Variants in FNDC1 observed in about 807,000 individuals in gnomAD.
FNDC1 encodes fibronectin type III domain-containing protein 1.
Under a neutral mutation model 168.0 loss-of-function variants are expected in FNDC1, and 96 were observed. The observed-to-expected ratio is 0.57, with a 90% CI of 0.48 to 0.68. The LOEUF (loss-of-function observed/expected upper bound fraction) is 0.68. Among genes scored for constraint, FNDC1 ranks in the 30% least tolerant of loss-of-function variants. FNDC1 has a pLI of 0.00. For synonymous variants in FNDC1, 1,099 were observed against 1,025.9 expected (o/e 1.07, Z -1.36); for missense variants, 2,587 against 2,482.1 (o/e 1.04, Z -0.90).
At position 159,197,433 on chromosome 6, in the gene FNDC1, G is replaced by C. The variant is rs371692854; in HGVS notation, c.112G>C (p.Asp38His). 1.2e-5 allele frequency: 20 copies of C among 1,610,516 alleles called. No homozygotes were observed. Among genetic ancestry groups the C allele is most frequent in the East Asian group, 8.9e-5 (4 of 44,760 alleles). ...TGATAGTTGCGCTGTTTACATAGTT[G>C]ACCACCCACTGAAGCCAAGGCATGT... Reference protein sequence around the residue: ...PVASSAAASVDHPLKPRHVKL... With the variant: ...PVASSAAASVHHPLKPRHVKL... Residue 38 changes from aspartate (D) to histidine (H), a missense_variant and splice_region_variant, in exon 2 of 23, where the codon GAC (aspartate) becomes CAC (histidine). Transcript: ENST00000297267.
chr6:159,247,514 C>T (rs919231259), intron 15 of FNDC1, among the ~76,000 whole-genome samples: 7 of 152,028 alleles, frequency 4.6e-5, no homozygotes, highest in African/African-American at 1.7e-4. Context: ...TTTGAGAGGT[C>T]AAGGAGGGAG....
Position 159,229,880 on chromosome 6 carries a change from G to T in FNDC1, c.1246G>T (p.Asp416Tyr), listed in dbSNP as rs1783045267. 3 of 1,613,848 alleles carry T rather than the reference G, an allele frequency of 1.9e-6. No individual in the cohort carries two copies. The highest frequency in any genetic ancestry group is 2.5e-6 in the Non-Finnish European group (3 of 1,179,872). Residue 416 changes from aspartate to tyrosine, a missense_variant, in exon 10 of 23, where the codon GAC becomes TAC. Physicochemically the swap from Asp to Tyr is radical, Grantham distance 160 (BLOSUM62 -3). Coordinates refer to ENST00000297267, the MANE Select transcript of FNDC1 (RefSeq NM_032532.3). ...FGAKSLTYPG[D>Y]TTSALVDGLQ... ...AGCAAAGTCCCTCACCTATCCTGGA[G>T]ACACTACTTCTGCCCTGGTGGATGG...
At position 159,197,514 on chromosome 6, in the gene FNDC1, G is replaced by A. The variant is rs775826145; in HGVS notation, c.193G>A (p.Ala65Thr). Residue 65 changes from alanine to threonine, a missense_variant, in exon 2 of 23, where the codon GCT becomes ACT. Physicochemically the swap from Ala to Thr is moderately conservative, Grantham distance 58 (BLOSUM62 0). Transcript: ENST00000297267. ...AGTCACGTGGGACCCACCCAAAGAT[G>A]CTACCAGTAGACCTGTGGAGCATTA... ...LKVTWDPPKD[A>T]TSRPVEHYNI... The A allele has an allele frequency of 3.1e-6, 5 of 1,613,900 alleles. No individual in the cohort carries two copies. In the African/African-American group the frequency reaches 6.7e-5, roughly 22 times the overall value.
At chr6:159,221,729 T>C (rs1782829410) in intron 6 of FNDC1, 33 bp downstream of exon 6, 3 of 1,463,230 alleles carry the variant, frequency 2.1e-6, no homozygotes, top group Non-Finnish European at 2.9e-6. Flanking sequence ...GGTCAAACCA[T>C]AGTCTGGTAT....
At chr6:159,261,686 G>C (rs1777488469) in intron 19 of FNDC1, among the ~76,000 whole-genome samples, 1 of 152,204 alleles carries the variant, frequency 6.6e-6, no homozygotes, top group Non-Finnish European at 1.5e-5. Context: ...GTAGAAGGCA[G>C]ATATATCTTT....
At chr6:159,226,225 A>G (rs1016480108) in intron 8 of FNDC1, among the ~76,000 whole-genome samples, 1 of 152,204 alleles carries the variant, frequency 6.6e-6, no homozygotes, top group African/African-American at 2.4e-5. Flanking sequence ...ATATTTGGCA[A>G]TGAAAGAAAT....
intron 5 of FNDC1, among the ~76,000 whole-genome samples, 190 bp from the exon 6 acceptor site, chr6:159,221,408 T>C (rs1321800125): frequency 6.6e-6 from 1 of 152,226 alleles, no homozygotes; most frequent in Non-Finnish European, 1.5e-5. Context: ...ATAGTGTTCT[T>C]TTTGAGTTTA....
intron 4 of FNDC1, among the ~76,000 whole-genome samples, chr6:159,212,038 C>T (rs573842542): frequency 1.1e-4 from 17 of 152,298 alleles, no homozygotes; most frequent in Middle Eastern, 3.4e-3. Flanking sequence ...GGCACAAATC[C>T]GGAGAAATAC....
chr6:159,230,211 G>T (rs1180525046), intron 10 of FNDC1, among the ~76,000 whole-genome samples: 5 of 152,142 alleles, frequency 3.3e-5, no homozygotes, highest in Non-Finnish European at 7.4e-5. Flanking sequence ...ATTGATAACA[G>T]TTACTATTTC....
chr6:159,246,498 C>T (rs113054496), intron 14 of FNDC1, among the ~76,000 whole-genome samples: 17 of 152,360 alleles, frequency 1.1e-4, no homozygotes, highest in Middle Eastern at 3.4e-3. Flanking sequence ...TTCTGTCTCT[C>T]GTGACTGCTT....
At position 159,250,046 on chromosome 6, in the gene FNDC1, G is replaced by A. The variant is rs1777223817; in HGVS notation, c.4834+864G>A. Among the ~76,000 whole-genome samples the A allele has an allele frequency of 2.0e-5, 3 of 152,226 alleles. No homozygotes were observed. In the South Asian group the frequency reaches 6.2e-4, roughly 31 times the overall value. Reference sequence around the variant, plus strand: ...CTGCCAGGCTGCGTTTACCACATGCGCTGACTTCTCTCCCGGCAGTTCCAT... The same window carrying A: ...CTGCCAGGCTGCGTTTACCACATGCACTGACTTCTCTCCCGGCAGTTCCAT... On this transcript the variant is annotated intron_variant, in intron 16 of 22. Coordinates refer to ENST00000297267, the MANE Select transcript of FNDC1 (RefSeq NM_032532.3).
chr6:159,258,798 CCT>C (rs1401704776), intron 18 of FNDC1, among the ~76,000 whole-genome samples: 2 of 152,206 alleles, frequency 1.3e-5, no homozygotes, highest in African/African-American at 4.8e-5. Flanking sequence ...CTCATTTTCC[CCT>C]GTGTCACTAG....
chr6:159,179,695 A>G (rs1318612427), intron 1 of FNDC1, among the ~76,000 whole-genome samples: 6 of 152,216 alleles, frequency 3.9e-5, no homozygotes, highest in African/African-American at 1.4e-4. Flanking sequence ...CTTTGCTGGA[A>G]TGTAAGCTCC....
At chr6:159,213,761 A>C (rs1300332069) in intron 4 of FNDC1, among the ~76,000 whole-genome samples, 1 of 152,138 alleles carries the variant, frequency 6.6e-6, no homozygotes, top group Non-Finnish European at 1.5e-5. Flanking sequence ...GTATTTGTTG[A>C]ACATACCATG....
At chr6:159,220,744 A>G (rs1206638704) in intron 5 of FNDC1, among the ~76,000 whole-genome samples, 1 of 152,236 alleles carries the variant, frequency 6.6e-6, no homozygotes, top group African/African-American at 2.4e-5. Context: ...TGGTTCCAGC[A>G]TTCCCTGAGT....
rs779154009 is a variant in FNDC1, at chr6:159,233,316, A to G, written c.2804A>G (p.Asp935Gly). ...IPENPKSTGA[D>G]THPQGKYSSL... Reference sequence around the variant, plus strand: ...GAGAACCCCAAATCCACAGGGGCAGATACACATCCTCAGGGCAAGTACTCC... The same window carrying G: ...GAGAACCCCAAATCCACAGGGGCAGGTACACATCCTCAGGGCAAGTACTCC... The change falls in exon 11 of 23, where the codon GAT becomes GGT. Residue 935 changes from aspartate (D) to glycine (G), a missense_variant. Transcript: ENST00000297267. The surrounding 1 kb of genome is among the most constrained non-coding windows in gnomAD (Gnocchi z 4.6). The G allele has an allele frequency of 2.1e-5, 34 of 1,613,942 alleles. No homozygotes were observed. Among genetic ancestry groups the G allele is most frequent in the Non-Finnish European group, 2.8e-5 (33 of 1,179,870 alleles).
chr6:159,174,413 G>A (rs1781722630), intron 1 of FNDC1, among the ~76,000 whole-genome samples: 1 of 152,244 alleles, frequency 6.6e-6, no homozygotes, highest in Non-Finnish European at 1.5e-5. Context: ...CCCTCGGCCC[G>A]GCCTGGGCAG....
chr6:159,262,652 G>A (rs998929519), intron 19 of FNDC1, among the ~76,000 whole-genome samples: 11 of 152,194 alleles, frequency 7.2e-5, no homozygotes, highest in Admixed American at 6.5e-4. Flanking sequence ...AAATCTTTCT[G>A]AGAGTAAAAG....
intron 9 of FNDC1, among the ~76,000 whole-genome samples, chr6:159,228,563 T>C (rs766972143): frequency 5.9e-5 from 9 of 151,890 alleles, no homozygotes; most frequent in Non-Finnish European, 1.0e-4. Flanking sequence ...TTTAAATAAA[T>C]ATACTTTTTA....
Sources: allele counts gnomAD v4.1 joint callset (sites outside exome capture counted in the v4.1 genomes callset), GRCh38; gene constraint gnomAD v4.1.1; non-coding constraint Gnocchi (gnomAD v3.1); transcripts MANE v1.5; gene names NCBI Gene and HGNC (gene_info 2026-07-23, HGNC 2026-07-21).